DARS2: variants seen among roughly 807,000 people sequenced by gnomAD.
DARS2 encodes aspartate--tRNA ligase, mitochondrial.
Under a neutral mutation model 83.0 loss-of-function variants are expected in DARS2, and 63 were observed. The observed-to-expected ratio is 0.76, with a 90% confidence interval of 0.62 to 0.94. The LOEUF (loss-of-function observed/expected upper bound fraction) is 0.94. Ranked by LOEUF, DARS2 falls within the 40% of genes least tolerant of loss-of-function variation. The pLI is 0.00. For synonymous variants in DARS2, 250 were observed against 269.3 expected (o/e 0.93, Z 0.70); for missense variants, 675 against 774.4 (o/e 0.87, Z 1.52).
chr1:173,828,154 A>G (rs764756663), intron 2 of DARS2, among the ~76,000 whole-genome samples, 179 bp from the exon 3 acceptor site: 9 of 152,226 alleles, frequency 5.9e-5, no homozygotes, highest in Non-Finnish European at 1.0e-4. Context: ...TAACAATTGC[A>G]TGAATGTAAC....
intron 4 of DARS2, among the ~76,000 whole-genome samples, chr1:173,831,149 T>C (rs1398728122): frequency 7.9e-5 from 12 of 151,774 alleles, no homozygotes; most frequent in Admixed American, 7.9e-4. Context: ...TCTCTTGACC[T>C]CATGATCTGC....
intron 13 of DARS2, among the ~76,000 whole-genome samples, chr1:173,851,005 A>G (rs1653642617): frequency 1.3e-5 from 2 of 151,804 alleles, no homozygotes; most frequent in Non-Finnish European, 2.9e-5. Context: ...TGGGAGGCCG[A>G]GGTGGGTGGA....
chr1:173,828,226 C>A, intron 2 of DARS2, 107 bp from the exon 3 acceptor site: 1 of 1,072,248 alleles, frequency 9.3e-7, no homozygotes, highest in Non-Finnish European at 1.4e-6. Flanking sequence ...AAAAAAGAAA[C>A]ATGAAAAATT....
chr1:173,841,001 C>G (rs1653181984), intron 11 of DARS2, 28 bp downstream of exon 11: 2 of 1,292,646 alleles, frequency 1.5e-6, no homozygotes, highest in Non-Finnish European at 1.1e-6. Flanking sequence ...CTATGTTTCT[C>G]TAGAATGTAT....
intron 6 of DARS2, among the ~76,000 whole-genome samples, chr1:173,834,225 A>C (rs1163143974): frequency 6.6e-6 from 1 of 152,238 alleles, no homozygotes; most frequent in African/African-American, 2.4e-5. Context: ...TTCAGTAGAC[A>C]AGAATCCATT....
rs912490622 is a variant in DARS2, at chr1:173,826,926, CTTTG to C, written c.227+144_227+147del. The C allele has an allele frequency of 5.3e-5, 39 of 729,014 alleles. No individual in the cohort carries two copies. In the African/African-American group the frequency reaches 6.0e-4, roughly 11 times the overall value. The allele number at this position is 729,014 out of a possible 1,614,324, so 45.2% of individuals were successfully genotyped here. On this transcript the variant is annotated intron_variant, in intron 2 of 16. Coordinates refer to ENST00000649689, the MANE Select transcript of DARS2 (RefSeq NM_018122.5). ...GATTAAGAACTTACTGAATTTTCAACTTTGTTTTAGTTTTGAAAGACCCAAGTGT... is the reference window on the plus strand; with the variant it reads ...GATTAAGAACTTACTGAATTTTCAACTTTTAGTTTTGAAAGACCCAAGTGT...
intron 15 of DARS2, among the ~76,000 whole-genome samples, chr1:173,855,791 C>T (rs1382989989): frequency 2.0e-5 from 3 of 151,670 alleles, no homozygotes; most frequent in Admixed American, 2.0e-4. Context: ...TGGCTGGGAC[C>T]ACAGGCACAC....
rs753065938 is a variant in DARS2, at chr1:173,845,333, C to T, written c.1191+42C>T. ...AGCAGTTTTTTTCCTTATACAGATTCAATATTTTTAACTATTATTAACTAA... is the reference window on the plus strand; with the variant it reads ...AGCAGTTTTTTTCCTTATACAGATTTAATATTTTTAACTATTATTAACTAA... On this transcript the variant is annotated intron_variant, in intron 12 of 16. Transcript: ENST00000649689. 5.9e-5 allele frequency: 81 copies of T among 1,363,216 alleles called. No homozygotes were observed. The Middle Eastern group carries it at 7.6e-4, about 13-fold the overall frequency. The allele number at this position is 1,363,216 out of a possible 1,614,324, so 84.4% of individuals were successfully genotyped here.
chr1:173,828,870 T>C (rs1652689910), intron 3 of DARS2, among the ~76,000 whole-genome samples: 1 of 152,164 alleles, frequency 6.6e-6, no homozygotes, highest in South Asian at 2.1e-4. Context: ...TAAATTATCT[T>C]ATATCTAGAC....
intron 16 of DARS2, 123 bp from the exon 17 acceptor site, chr1:173,857,395 T>C (rs1557864590): frequency 2.3e-5 from 22 of 950,402 alleles, no homozygotes; most frequent in Non-Finnish European, 1.9e-5. Flanking sequence ...TAGGGAACGA[T>C]GGTTGGCTAC....
chr1:173,853,726 A>G, intron 14 of DARS2, 69 bp from the exon 15 acceptor site: 1 of 1,512,908 alleles, frequency 6.6e-7, no homozygotes. Context: ...AAAAATCTAC[A>G]GGGTCTTCAA....
At position 173,825,179 on chromosome 1, in the gene DARS2, A is replaced by G; in HGVS notation, c.-51A>G. 1 of 1,599,940 alleles carries G rather than the reference A, an allele frequency of 6.3e-7. No individual in the cohort carries two copies. The highest frequency in any genetic ancestry group is 1.3e-5 in the African/African-American group (1 of 74,396). On this transcript the variant is annotated 5_prime_UTR_variant, in exon 1 of 17. Transcript: ENST00000649689. ...GTATTTCCAAAACTGACTTTTAACT[A>G]CCGGCAGCGTGGGATTTCGTGATTG...
At chr1:173,829,132 G>T (rs1339883523) in intron 3 of DARS2, among the ~76,000 whole-genome samples, 1 of 152,140 alleles carries the variant, frequency 6.6e-6, no homozygotes, top group Non-Finnish European at 1.5e-5. Flanking sequence ...CAAAAGAGCA[G>T]CTGTTAAACT....
Position 173,858,020 on chromosome 1 carries a change from T to G in DARS2, c.*315T>G, listed in dbSNP as rs1377760616. On this transcript the variant is annotated 3_prime_UTR_variant, in exon 17 of 17. Coordinates refer to ENST00000649689, the MANE Select transcript of DARS2 (RefSeq NM_018122.5). ...TCAAATCATGTTTCTCATACCCAGA[T>G]AGTAGATTATTCACTTAGGACAGAG... is the stretch of plus-strand genomic sequence containing the variant. The G allele has an allele frequency of 8.2e-6, 3 of 365,812 alleles. No individual in the cohort carries two copies. Among genetic ancestry groups the G allele is most frequent in the Admixed American group, 7.8e-5 (2 of 25,770 alleles). The allele number at this position is 365,812 out of a possible 1,614,324, so 22.7% of individuals were successfully genotyped here. A position where few individuals can be genotyped will look rare whatever the true frequency, so the allele number is the denominator to read the frequency against.
rs141343833 is a variant in DARS2, at chr1:173,843,798, C to T, written c.1129-1431C>T. On this transcript the variant is annotated intron_variant, in intron 11 of 16. Transcript: ENST00000649689. ...AGTACACACTGTATCTAAGGTCCCT[C>T]GATGCTAGAGGGCAGTGCCAGTGTG... Among the ~76,000 whole-genome samples the T allele has an allele frequency of 3.9e-5, 6 of 152,252 alleles. No homozygotes were observed. In the East Asian group the frequency reaches 1.2e-3, roughly 29 times the overall value.
intron 1 of DARS2, among the ~76,000 whole-genome samples, 174 bp downstream of exon 1, chr1:173,825,530 G>C (rs1266298329): frequency 2.0e-5 from 3 of 151,150 alleles, no homozygotes; most frequent in Non-Finnish European, 4.4e-5. Context: ...GTGAAGTGGC[G>C]CGATCTCCGC....
At chr1:173,838,080 C>A in intron 8 of DARS2, 110 bp from the exon 9 acceptor site, 5 of 904,726 alleles carry the variant, frequency 5.5e-6, no homozygotes, top group Non-Finnish European at 8.9e-6. Context: ...GCCCTTCTTA[C>A]GTTTTTTAAG....
Position 173,824,996 on chromosome 1 carries a change from C to T in DARS2, c.-234C>T. 2.2e-6 allele frequency: 1 copy of T among 450,398 alleles called. No homozygotes were observed. Among genetic ancestry groups the T allele is most frequent in the Non-Finnish European group, 4.1e-6 (1 of 244,614 alleles). The allele number at this position is 450,398 out of a possible 1,614,324, so 27.9% of individuals were successfully genotyped here. A position where few individuals can be genotyped will look rare whatever the true frequency, so the allele number is the denominator to read the frequency against. On this transcript the variant is annotated 5_prime_UTR_variant, in exon 1 of 17. Transcript: ENST00000649689. ...AAGTGCAGACTGATGCTTTAAGACTCAGGGAGAGGTCTTTCCCTTATCTCC... is the reference window on the plus strand; with the variant it reads ...AAGTGCAGACTGATGCTTTAAGACTTAGGGAGAGGTCTTTCCCTTATCTCC...
rs145007967 is a variant in DARS2 at position 173,835,281 on chromosome 1, G to A, written c.663+762G>A. ...ATTTTTGTATTTTTTTAGTAGAGAC[G>A]GGGTTTCGCATGTTGGCCCAGCTGG... is the stretch of plus-strand genomic sequence containing the variant. On this transcript the variant is annotated intron_variant, in intron 7 of 16. Coordinates refer to ENST00000649689, the MANE Select transcript of DARS2 (RefSeq NM_018122.5). 1.5e-3 allele frequency among the ~76,000 whole-genome samples: 231 copies of A among 151,324 alleles called. 1 individual carries two copies. Among genetic ancestry groups the A allele is most frequent in the African/African-American group, 5.2e-3 (213 of 41,332 alleles).
Sources: allele counts gnomAD v4.1 joint callset (sites outside exome capture counted in the v4.1 genomes callset), GRCh38; gene constraint gnomAD v4.1.1; transcripts MANE v1.5; gene names NCBI Gene and HGNC (gene_info 2026-07-23, HGNC 2026-07-21).